Variants in ADRA1A observed in about 807,000 individuals in gnomAD.
ADRA1A encodes adrenoceptor alpha 1A.
ADRA1A carries 31 observed loss-of-function variants against 29.6 expected under a neutral mutation model. The observed-to-expected ratio is 1.05, with a 90% confidence interval of 0.79 to 1.41. The LOEUF (loss-of-function observed/expected upper bound fraction) is 1.41. ADRA1A is among the 40% of genes most tolerant of loss of function. The probability of loss-of-function intolerance (pLI) is 0.00; values close to 1 mark genes in which losing one functional copy is unlikely to be tolerated. For missense variants in ADRA1A, 619 were observed against 601.1 expected, an observed-to-expected ratio of 1.03 and a Z score of -0.31; for synonymous variants, 311 against 254.3, an observed-to-expected ratio of 1.22 and a Z score of -2.12.
Position 26,787,560 on chromosome 8 carries a change from C to T in ADRA1A, c.884-16894G>A, listed in dbSNP as rs1015059035. Among the ~76,000 whole-genome samples, 7 of 151,468 alleles carry T rather than the reference C, an allele frequency of 4.6e-5. No homozygotes were observed. Among genetic ancestry groups the T allele is most frequent in the African/African-American group, 1.7e-4 (7 of 41,218 alleles). The stretch of plus-strand genomic sequence containing the variant: ...GTAGGAATAAAAGGAGAACTGTCAT[C>T]TGTAGTTCTTGGATATGGAGAGAAG... On this transcript the variant is annotated intron_variant, in intron 2 of 2. Coordinates refer to ENST00000380573, the MANE Select transcript of ADRA1A (RefSeq NM_000680.4). This position sits in a 1 kb window ranked among gnomAD's most constrained non-coding sequence, Gnocchi z 4.2.
At chr8:26,785,631 A>G (rs977382751) in intron 2 of ADRA1A, among the ~76,000 whole-genome samples, 2 of 152,164 alleles carry the variant, frequency 1.3e-5, no homozygotes, top group African/African-American at 4.8e-5. Context: ...ACATGAATAC[A>G]TTCAAGCTGA....
In ADRA1A at chr8:26,826,705, G is replaced by A. The variant is rs572329723; in HGVS notation, c.883+37382C>T. Among the ~76,000 whole-genome samples the A allele has an allele frequency of 5.3e-5, 8 of 152,238 alleles. 1 individual carries two copies. The South Asian group carries it at 1.7e-3, about 32-fold the overall frequency. ...TGCTTTGCCTTCTTGGCATGTTCCTGTTAGCCTCCCCAGACAGACAGCAAG... is the reference window on the plus strand; with the variant it reads ...TGCTTTGCCTTCTTGGCATGTTCCTATTAGCCTCCCCAGACAGACAGCAAG... On this transcript the variant is annotated intron_variant, in intron 2 of 2. Transcript: ENST00000380573.
chr8:26,842,467 C>T (rs113245932), intron 2 of ADRA1A, among the ~76,000 whole-genome samples: 1 of 152,284 alleles, frequency 6.6e-6, no homozygotes, highest in South Asian at 2.1e-4. Context: ...TAATTCCACT[C>T]TGATTCCTCA....
chr8:26,773,127 A>T (rs910262296), intron 2 of ADRA1A, among the ~76,000 whole-genome samples: 1 of 152,202 alleles, frequency 6.6e-6, no homozygotes, highest in African/African-American at 2.4e-5. Flanking sequence ...GAGTAGCTCA[A>T]CCGAGGTCAC....
chr8:26,817,505 A>G (rs1450331618), intron 2 of ADRA1A, among the ~76,000 whole-genome samples: 1 of 152,234 alleles, frequency 6.6e-6, no homozygotes, highest in African/African-American at 2.4e-5. Context: ...CGAGCCGGGC[A>G]CTGTGGCCCA....
downstream of ADRA1A, among the ~76,000 whole-genome samples, chr8:26,753,441 A>G (rs1805009869): frequency 1.2e-5 from 1 of 83,082 alleles, no homozygotes; most frequent in South Asian, 3.9e-4. Flanking sequence ...GTTTTGCAGT[A>G]TACTTTCTAT....
chr8:26,770,226 TG>T lies in ADRA1A; in HGVS notation c.1323del (p.Ser442AlafsTer36). On this transcript the variant is annotated frameshift_variant, in exon 3 of 3. Coordinates refer to ENST00000380573, the MANE Select transcript of ADRA1A (RefSeq NM_000680.4). LOFTEE classifies it high-confidence loss of function. ...GGAACTTGATGGTTCTTGTCAAGGC[TG>T]GGGGTTGAGGGCCCTACACAGCAGC... Reference protein sequence around the residue: ...QVCCCVGPSTPSLDKNHQVPT... With the variant: ...QVCCCVGPSTXSLDKNHQVPT... The T allele has an allele frequency of 6.2e-7, 1 of 1,610,082 alleles. No individual in the cohort carries two copies. The highest frequency in any genetic ancestry group is 8.5e-7 in the Non-Finnish European group (1 of 1,177,474).
chr8:26,830,571 C>T (rs914486777), intron 2 of ADRA1A, among the ~76,000 whole-genome samples: 16 of 152,162 alleles, frequency 1.1e-4, no homozygotes, highest in African/African-American at 1.9e-4. Flanking sequence ...AAACCAAAGA[C>T]GGTTTGGCTA....
chr8:26,820,851 T>C (rs190922791), intron 2 of ADRA1A, among the ~76,000 whole-genome samples: 1 of 151,742 alleles, frequency 6.6e-6, no homozygotes, highest in Admixed American at 6.6e-5. Context: ...ACAGACAGAT[T>C]TAGTGTAACC....
At position 26,865,359 on chromosome 8, in the gene ADRA1A, GT is replaced by G; in HGVS notation, c.-391del. ...TCTGCTTTTCCGCGCTGTCTTATTC[GT>G]CCTGGCTGGGGGAAGATTCAGCATT... On this transcript the variant is annotated 5_prime_UTR_variant, in exon 2 of 3. It removes the in-frame stop codon of an upstream open reading frame in the 5' UTR. Transcript: ENST00000380573. The surrounding 1 kb of genome is among the most constrained non-coding windows in gnomAD (Gnocchi z 7.6). 2 of 1,047,894 alleles carry G rather than the reference GT, an allele frequency of 1.9e-6. No individual in the cohort carries two copies. The highest frequency in any genetic ancestry group is 2.3e-6 in the Non-Finnish European group (2 of 869,572). The allele number at this position is 1,047,894 out of a possible 1,614,324, so 64.9% of individuals were successfully genotyped here.
At chr8:26,850,252 A>C (rs955682192) in intron 2 of ADRA1A, among the ~76,000 whole-genome samples, 8 of 152,158 alleles carry the variant, frequency 5.3e-5, no homozygotes, top group African/African-American at 1.7e-4. Flanking sequence ...TAAACATCTT[A>C]GTTGAAAAAT....
At chr8:26,840,033 G>A (rs1311648994) in intron 2 of ADRA1A, among the ~76,000 whole-genome samples, 2 of 152,244 alleles carry the variant, frequency 1.3e-5, no homozygotes, top group African/African-American at 4.8e-5. Flanking sequence ...ATCACAGGAA[G>A]GCAATCTGCA....
intron 2 of ADRA1A, among the ~76,000 whole-genome samples, chr8:26,850,025 C>CAAAAAAAAAAAAAAACA (rs141672591): frequency 9.9e-5 from 12 of 121,590 alleles, no homozygotes; most frequent in Admixed American, 2.4e-4. Flanking sequence ...GAGAGAAATG[C>CAAAAAAAAAAAAAAACA]AAAAACAAAA....
intron 2 of ADRA1A, among the ~76,000 whole-genome samples, chr8:26,854,952 C>G (rs1350447329): frequency 6.6e-6 from 1 of 152,182 alleles, no homozygotes; most frequent in East Asian, 1.9e-4. Context: ...AGTGAGCACA[C>G]AGCTAGAAGG....
rs770728186 is a variant in ADRA1A at position 26,864,547 on chromosome 8, C to T, written c.423G>A (p.Arg141=). ...CGCAGAGCAGAGCCATGAGACCCCT[C>T]CTCTGGGTGACGATGGTTGGGTAGC... ...PLRYPTIVTQ[R]RGLMALLCVW... The change falls in exon 2 of 3, where the codon AGG becomes AGA. Residue 141 remains arginine, a synonymous_variant. Transcript: ENST00000380573. This position sits in a 1 kb window ranked among gnomAD's most constrained non-coding sequence, Gnocchi z 8.1. 1.9e-6 allele frequency: 3 copies of T among 1,614,116 alleles called. No individual in the cohort carries two copies. The highest frequency in any genetic ancestry group is 2.2e-5 in the South Asian group (2 of 91,072).
downstream of ADRA1A, among the ~76,000 whole-genome samples, chr8:26,767,721 G>A (rs564347447): frequency 2.6e-5 from 4 of 152,270 alleles, 1 homozygote; most frequent in South Asian, 8.3e-4. Flanking sequence ...GTGTTTAAAG[G>A]ATCATCTCAA....
At position 26,865,740 on chromosome 8, in the gene ADRA1A, C is replaced by A. The variant is rs758684772; in HGVS notation, c.-686-85G>T. ...GCTGAGCTTGACGGGTTGGGGGACACCAGTTGGGAGCCGGGTTGGTTCTGC... is the reference window on the plus strand; with the variant it reads ...GCTGAGCTTGACGGGTTGGGGGACAACAGTTGGGAGCCGGGTTGGTTCTGC... On this transcript the variant is annotated intron_variant, in intron 1 of 2. Coordinates refer to ENST00000380573, the MANE Select transcript of ADRA1A (RefSeq NM_000680.4). This position sits in a 1 kb window ranked among gnomAD's most constrained non-coding sequence, Gnocchi z 7.6. The A allele has an allele frequency of 5.1e-6, 5 of 984,364 alleles. No homozygotes were observed. The highest frequency in any genetic ancestry group is 6.2e-5 in the Admixed American group (1 of 16,256). The allele number at this position is 984,364 out of a possible 1,614,324, so 61.0% of individuals were successfully genotyped here.
chr8:26,813,889 A>C (rs1809584482), intron 2 of ADRA1A, among the ~76,000 whole-genome samples: 1 of 152,178 alleles, frequency 6.6e-6, no homozygotes, highest in Non-Finnish European at 1.5e-5. Flanking sequence ...TTGACAGCTA[A>C]CATTTTTCTA....
intron 2 of ADRA1A, among the ~76,000 whole-genome samples, chr8:26,784,861 G>C (rs1266929453): frequency 6.6e-6 from 1 of 152,200 alleles, no homozygotes. Context: ...AAAGCTATAG[G>C]AAGACTGATT....
Sources: gnomAD v4.1 joint callset for allele counts (sites outside exome capture counted in the v4.1 genomes callset) on GRCh38, gnomAD v4.1.1 for gene constraint, Gnocchi (gnomAD v3.1) non-coding constraint, MANE v1.5 for transcripts, NCBI Gene and HGNC (gene_info 2026-07-23, HGNC 2026-07-21) for gene names.